The following SHCBP1L variants were observed in gnomAD, a reference collection of about 807,000 sequenced individuals.
SHCBP1L encodes SHC binding and spindle associated 1 like, also known as testicular spindle-associated protein SHCBP1L.
A neutral mutation model predicts 62.5 loss-of-function variants in SHCBP1L; 67 were observed. That is an observed-to-expected ratio of 1.07 (90% CI 0.88 to 1.31). The LOEUF (loss-of-function observed/expected upper bound fraction) is 1.31, where lower values mean the gene tolerates loss of function less well. Among genes scored for constraint, SHCBP1L ranks in the 40% most tolerant of loss-of-function variants. The pLI, the probability that SHCBP1L is intolerant of heterozygous loss-of-function variation, is 0.00. For synonymous variants in SHCBP1L, 284 were observed against 289.4 expected (o/e 0.98, Z 0.19); for missense variants, 823 against 809.8 (o/e 1.02, Z -0.20).
At chr1:182,901,545 C>G (rs939596020) in intron 9 of SHCBP1L, among the ~76,000 whole-genome samples, 1 of 152,122 alleles carries the variant, frequency 6.6e-6, no homozygotes, top group African/African-American at 2.4e-5. Flanking sequence ...GCCAGTGTGG[C>G]TCGAATATAA....
chr1:182,907,823 C>T (rs1650063679), intron 6 of SHCBP1L, among the ~76,000 whole-genome samples: 1 of 152,176 alleles, frequency 6.6e-6, no homozygotes, highest in South Asian at 2.1e-4. Flanking sequence ...AAGTGATCCA[C>T]CCGCCTTGGT....
At chr1:182,907,815 G>A (rs1280151209) in intron 6 of SHCBP1L, among the ~76,000 whole-genome samples, 1 of 152,242 alleles carries the variant, frequency 6.6e-6, no homozygotes, top group African/African-American at 2.4e-5. Flanking sequence ...CTGACCTCAA[G>A]TGATCCACCC....
chr1:182,926,196 G>GT (rs1650740685), intron 6 of SHCBP1L, among the ~76,000 whole-genome samples: 1 of 152,000 alleles, frequency 6.6e-6, no homozygotes, highest in African/African-American at 2.4e-5. Flanking sequence ...TTCACCTCAA[G>GT]TTTTTTAAGA....
chr1:182,948,935 T>C (rs1651660452), intron 2 of SHCBP1L, among the ~76,000 whole-genome samples: 1 of 152,226 alleles, frequency 6.6e-6, no homozygotes, highest in Admixed American at 6.5e-5. Flanking sequence ...AATCTGCCAA[T>C]ATACTGTTTT....
At chr1:182,940,028 CT>C (rs1651304811) in intron 3 of SHCBP1L, among the ~76,000 whole-genome samples, 2 of 151,636 alleles carry the variant, frequency 1.3e-5, no homozygotes, top group South Asian at 2.1e-4. Flanking sequence ...ATTTAAGATG[CT>C]TAAATATGAA....
At chr1:182,907,782 T>C (rs997814493) in intron 6 of SHCBP1L, among the ~76,000 whole-genome samples, 3 of 151,998 alleles carry the variant, frequency 2.0e-5, no homozygotes, top group Non-Finnish European at 2.9e-5. Flanking sequence ...TTTCACCATG[T>C]TGGCCAGGCT....
chr1:182,918,492 C>T (rs1650430424), intron 6 of SHCBP1L, among the ~76,000 whole-genome samples: 1 of 151,776 alleles, frequency 6.6e-6, no homozygotes, highest in Non-Finnish European at 1.5e-5. Flanking sequence ...AACCATTGCT[C>T]AAAGAAATTA....
At chr1:182,901,594 A>T (rs1183775082) in intron 9 of SHCBP1L, among the ~76,000 whole-genome samples, 3 of 152,222 alleles carry the variant, frequency 2.0e-5, no homozygotes, top group Non-Finnish European at 4.4e-5. Flanking sequence ...ACGTTGGAGA[A>T]AGCAGGGGCC....
chr1:182,906,060 G>A (rs576458570), intron 6 of SHCBP1L, among the ~76,000 whole-genome samples: 3 of 152,126 alleles, frequency 2.0e-5, no homozygotes, highest in Non-Finnish European at 4.4e-5. Context: ...TCAGCCTCCT[G>A]AGTAGCTGGG....
chr1:182,926,444 A>G (rs1650750992), intron 6 of SHCBP1L, among the ~76,000 whole-genome samples: 2 of 152,332 alleles, frequency 1.3e-5, no homozygotes, highest in East Asian at 3.9e-4. Flanking sequence ...ATATCAGTTG[A>G]CATTTATTTA....
intron 8 of SHCBP1L, 69 bp from the exon 9 acceptor site, chr1:182,903,230 C>G (rs1649899172): frequency 7.4e-7 from 1 of 1,352,368 alleles, no homozygotes; most frequent in East Asian, 2.6e-5. Context: ...AATCTTTAGA[C>G]TTGAAAATCG....
At chr1:182,944,887 C>CA (rs1289953204) in intron 2 of SHCBP1L, among the ~76,000 whole-genome samples, 3 of 150,926 alleles carry the variant, frequency 2.0e-5, no homozygotes, top group African/African-American at 7.3e-5. Context: ...TTCATTCCTG[C>CA]AAAAAACGTT....
intron 6 of SHCBP1L, among the ~76,000 whole-genome samples, chr1:182,911,192 G>GT (rs1396207495): frequency 6.6e-6 from 1 of 151,980 alleles, no homozygotes; most frequent in African/African-American, 2.4e-5. Flanking sequence ...ACCTGGCCTT[G>GT]TTTTTTCTTT....
At position 182,939,365 on chromosome 1, in the gene SHCBP1L, G is replaced by A; in HGVS notation, c.887C>T (p.Pro296Leu). ...LWCDIQDGTI[P>L]GPIAQRFKKT... ...TTTAAAACGTTGTGCGATAGGACCAGGTATTGTTCCATCCTGTATATCACA... is the reference window on the plus strand; with the variant it reads ...TTTAAAACGTTGTGCGATAGGACCAAGTATTGTTCCATCCTGTATATCACA... The change falls in exon 5 of 10, where the codon CCT becomes CTT. Residue 296 changes from proline to leucine, a missense_variant. Transcript: ENST00000367547. 6.2e-7 allele frequency: 1 copy of A among 1,613,784 alleles called. No individual in the cohort carries two copies. The highest frequency in any genetic ancestry group is 1.7e-4 in the Middle Eastern group (1 of 6,058).
At chr1:182,908,495 C>T (rs542874374) in intron 6 of SHCBP1L, among the ~76,000 whole-genome samples, 1 of 152,304 alleles carries the variant, frequency 6.6e-6, no homozygotes, top group African/African-American at 2.4e-5. Flanking sequence ...ACATGTACCA[C>T]ATTTACATTA....
chr1:182,929,502 T>C, intron 6 of SHCBP1L, 145 bp downstream of exon 6: 2 of 484,386 alleles, frequency 4.1e-6, no homozygotes, highest in Non-Finnish European at 7.1e-6. Flanking sequence ...TTATTTAGTA[T>C]CTATTATATG....
chr1:182,949,833 T>A (rs991692499), intron 2 of SHCBP1L, among the ~76,000 whole-genome samples: 12 of 150,890 alleles, frequency 8.0e-5, no homozygotes, highest in African/African-American at 2.7e-4. Flanking sequence ...TATTCTTTTT[T>A]TTTTTTTTTT....
At chr1:182,906,106 T>C (rs1044296288) in intron 6 of SHCBP1L, among the ~76,000 whole-genome samples, 1 of 152,084 alleles carries the variant, frequency 6.6e-6, no homozygotes, top group African/African-American at 2.4e-5. Flanking sequence ...GGCTAATTTT[T>C]TGTATTTTTA....
At chr1:182,952,231 TATATACAC>T (rs1444684602) in intron 1 of SHCBP1L, among the ~76,000 whole-genome samples, 4 of 59,156 alleles carry the variant, frequency 6.8e-5, no homozygotes, top group South Asian at 7.3e-4. Flanking sequence ...TATATATATA[TATATACAC>T]ACACACACAC....
Sources: gnomAD v4.1 joint callset for allele counts (sites outside exome capture counted in the v4.1 genomes callset) on GRCh38, gnomAD v4.1.1 for gene constraint, MANE v1.5 for transcripts, NCBI Gene and HGNC (gene_info 2026-07-23, HGNC 2026-07-21) for gene names.